Variants in STARD10 observed in about 807,000 individuals in gnomAD.
STARD10 encodes StAR related lipid transfer domain containing 10, also known as START domain-containing protein 10.
STARD10 carries 24 observed loss-of-function variants against 36.0 expected under a neutral mutation model. That is an observed-to-expected ratio of 0.67 (90% CI 0.48 to 0.94). The LOEUF (loss-of-function observed/expected upper bound fraction) is 0.94, where lower values mean the gene tolerates loss of function less well. STARD10 is among the 40% of genes least tolerant of loss of function. STARD10 has a pLI of 0.00. For synonymous variants in STARD10, 156 were observed against 161.9 expected (o/e 0.96, Z 0.28); for missense variants, 335 against 396.6 (o/e 0.84, Z 1.32).
chr11:72,771,940 C>T (rs1436847485), intron 2 of STARD10, among the ~76,000 whole-genome samples: 1 of 152,180 alleles, frequency 6.6e-6, no homozygotes, highest in Non-Finnish European at 1.5e-5. Flanking sequence ...GACATCAAGA[C>T]AGGCAAACAC....
intron 1 of STARD10, among the ~76,000 whole-genome samples, chr11:72,783,796 A>C (rs193001292): frequency 1.6e-3 from 237 of 152,288 alleles, no homozygotes; most frequent in Non-Finnish European, 2.9e-3. Flanking sequence ...AAAAAAGACA[A>C]GGCCAGGAGG....
At chr11:72,764,665 G>A (rs1015555930) in intron 2 of STARD10, among the ~76,000 whole-genome samples, 2 of 152,228 alleles carry the variant, frequency 1.3e-5, no homozygotes, top group East Asian at 1.9e-4. Flanking sequence ...CGGTGGCCAC[G>A]CCCCAAAGGT....
In STARD10 at chr11:72,755,056, C is replaced by T. The variant is rs747639548; in HGVS notation, c.717G>A (p.Pro239=). ...HLPHFKPWLH[P]EQSPLPSLAL... ...CCAGGCTCGGCAACGGGCTCTGCTCCGGGTGCAGCCACGGCTTGAAGTGAG... is the reference window on the plus strand; with the variant it reads ...CCAGGCTCGGCAACGGGCTCTGCTCTGGGTGCAGCCACGGCTTGAAGTGAG... The change falls in exon 7 of 7, where the codon CCG becomes CCA. Residue 239 remains proline, a synonymous_variant. Transcript: ENST00000334805. 5 of 1,613,142 alleles carry T rather than the reference C, an allele frequency of 3.1e-6. No individual in the cohort carries two copies. Among genetic ancestry groups the T allele is most frequent in the East Asian group, 4.5e-5 (2 of 44,838 alleles).
At chr11:72,783,835 C>T (rs1859036717) in intron 1 of STARD10, among the ~76,000 whole-genome samples, 1 of 152,160 alleles carries the variant, frequency 6.6e-6, no homozygotes, top group Non-Finnish European at 1.5e-5. Context: ...GATAGAAGGA[C>T]TTCCCCACCC....
chr11:72,758,117 G>A (rs1046598644), intron 4 of STARD10, among the ~76,000 whole-genome samples: 1 of 152,180 alleles, frequency 6.6e-6, no homozygotes, highest in South Asian at 2.1e-4. Flanking sequence ...CCAGTCTGGG[G>A]TCAGGGCTCA....
chr11:72,771,010 G>T (rs1253981135), intron 2 of STARD10, among the ~76,000 whole-genome samples: 3 of 152,224 alleles, frequency 2.0e-5, no homozygotes, highest in Non-Finnish European at 4.4e-5. Context: ...CTCTGTGCCA[G>T]GCTCTGTGCT....
intron 2 of STARD10, among the ~76,000 whole-genome samples, chr11:72,763,530 C>T (rs1858748009): frequency 6.6e-6 from 1 of 152,120 alleles, no homozygotes; most frequent in Non-Finnish European, 1.5e-5. Flanking sequence ...GCCACAGAGA[C>T]ATAACATAAA....
At chr11:72,764,476 A>C (rs953850254) in intron 2 of STARD10, among the ~76,000 whole-genome samples, 1 of 152,242 alleles carries the variant, frequency 6.6e-6, no homozygotes, top group African/African-American at 2.4e-5. Flanking sequence ...CCAGAGAGTA[A>C]GAACCTTTGC....
chr11:72,771,772 C>T (rs1030708714), intron 2 of STARD10, among the ~76,000 whole-genome samples: 3 of 152,122 alleles, frequency 2.0e-5, no homozygotes, highest in Admixed American at 1.3e-4. Context: ...AGGCTGGCCT[C>T]CTGCCCTGTA....
intron 2 of STARD10, among the ~76,000 whole-genome samples, chr11:72,775,223 T>G (rs370952404): frequency 6.6e-6 from 1 of 152,204 alleles, no homozygotes; most frequent in Non-Finnish European, 1.5e-5. Flanking sequence ...ATCCCGTCCA[T>G]GATCATGCCT....
chr11:72,757,164 A>AAAAAG (rs1858656627), intron 5 of STARD10, among the ~76,000 whole-genome samples: 1 of 151,936 alleles, frequency 6.6e-6, no homozygotes, highest in African/African-American at 2.4e-5. Context: ...AAAAAAAAAA[A>AAAAAG]AAATCAATGG....
In STARD10 at chr11:72,765,699, A is replaced by C. The variant is rs76004337; in HGVS notation, c.208-6318T>G. Among the ~76,000 whole-genome samples, 1,080 of 152,112 alleles carry C rather than the reference A, an allele frequency of 7.1e-3. 20 individuals carry two copies. Among genetic ancestry groups the C allele is most frequent in the African/African-American group, 0.025 (1,038 of 41,450 alleles). On this transcript the variant is annotated intron_variant, in intron 2 of 6. Transcript: ENST00000334805. ...AAATACTCAAAAATAGGCCGGGCAC[A>C]GTGGCTCTCACCTGTAATCCCAGCA...
At position 72,793,475 on chromosome 11, in the gene STARD10, G is replaced by A. The variant is rs1053445532; in HGVS notation, c.-714C>T. ...GTCCTTGAATCCTGATCCTTCCCTGGTCCTTTACTCTCTATGATGCTGGAA... is the reference window on the plus strand; with the variant it reads ...GTCCTTGAATCCTGATCCTTCCCTGATCCTTTACTCTCTATGATGCTGGAA... On this transcript the variant is annotated 5_prime_UTR_variant, in exon 1 of 7. Transcript: ENST00000334805. The A allele has an allele frequency of 6.6e-6, 1 of 152,198 alleles. No homozygotes were observed. The highest frequency in any genetic ancestry group is 1.9e-4 in the East Asian group (1 of 5,196). The allele number at this position is 152,198 out of a possible 1,614,324, so 9.4% of individuals were successfully genotyped here.
intron 3 of STARD10, 75 bp downstream of exon 3, chr11:72,759,159 G>T (rs183229299): frequency 2.1e-5 from 33 of 1,552,876 alleles, no homozygotes; most frequent in South Asian, 1.1e-4. Flanking sequence ...CAGGAGGGAG[G>T]GGGGAAGAGG....
At chr11:72,762,384 G>A (rs11235583) in intron 2 of STARD10, among the ~76,000 whole-genome samples, 8,375 of 152,106 alleles carry the variant, frequency 0.055, 781 homozygotes, top group African/African-American at 0.19. Flanking sequence ...TTACAGCAGC[G>A]CTCTGGGATA....
Position 72,781,411 on chromosome 11 carries a change from A to C in STARD10, c.-113-117T>G. 1.8e-6 allele frequency: 1 copy of C among 555,582 alleles called. No individual in the cohort carries two copies. The highest frequency in any genetic ancestry group is 3.0e-5 in the East Asian group (1 of 33,174). 34.4% of individuals were successfully genotyped at this position (555,582 alleles called of 1,614,324 possible). ...AGGGGCTGGCCCCAGGGAAGGGCGGACGGGCGCTGGACAGCCTCGGGGTCC... is the reference window on the plus strand; with the variant it reads ...AGGGGCTGGCCCCAGGGAAGGGCGGCCGGGCGCTGGACAGCCTCGGGGTCC... On this transcript the variant is annotated intron_variant, in intron 1 of 6. Transcript: ENST00000334805. This position sits in a 1 kb window ranked among gnomAD's most constrained non-coding sequence, Gnocchi z 4.7.
intron 2 of STARD10, among the ~76,000 whole-genome samples, chr11:72,761,832 G>C (rs1858719754): frequency 6.6e-6 from 1 of 151,622 alleles, no homozygotes; most frequent in Admixed American, 6.6e-5. Context: ...CAATTGCTAA[G>C]GTGTTAACAG....
rs1859137444 is a variant in STARD10, at chr11:72,791,072, AT to A, written c.-114+1802del. Among the ~76,000 whole-genome samples, 3 of 152,210 alleles carry A rather than the reference AT, an allele frequency of 2.0e-5. No homozygotes were observed. In the East Asian group the frequency reaches 5.8e-4, roughly 29 times the overall value. ...CACTTAACAGGTCTTAACTCATTTA[AT>A]TTATAGGTAAACCTTGATAACAGGT... On this transcript the variant is annotated intron_variant, in intron 1 of 6. Transcript: ENST00000334805.
rs201289203 is a variant in STARD10, at chr11:72,758,607, G to A, written c.382C>T (p.Arg128Cys). 13 of 1,613,922 alleles carry A rather than the reference G, an allele frequency of 8.1e-6. No individual in the cohort carries two copies. The East Asian group carries it at 1.3e-4, about 17-fold the overall frequency. The change falls in exon 4 of 7, where the codon CGT (arginine) becomes TGT (cysteine). Residue 128 changes from arginine to cysteine, a missense_variant. Physicochemically the swap from Arg to Cys is radical, Grantham distance 180 (BLOSUM62 -3). Transcript: ENST00000334805. ...CAGGAGCGGAGGGTGATGACATCAC[G>A]GTTCTTCAGGGGCTTGGGACACCTC... ...SWRCPKPLKN[R>C]DVITLRSWLP...
Sources: gnomAD v4.1 joint callset for allele counts (sites outside exome capture counted in the v4.1 genomes callset) on GRCh38, gnomAD v4.1.1 for gene constraint, Gnocchi (gnomAD v3.1) non-coding constraint, MANE v1.5 for transcripts, NCBI Gene and HGNC (gene_info 2026-07-23, HGNC 2026-07-21) for gene names.